The following RBFOX1 variants were observed in gnomAD, a reference collection of about 807,000 sequenced individuals.
RBFOX1 encodes the protein RNA binding fox-1 homolog 1, also known as RNA binding protein fox-1 homolog 1.
In RBFOX1, 8 loss-of-function variants were observed where a neutral mutation model predicts 57.7. The ratio of observed to expected loss-of-function variants is 0.14; its 90% CI spans 0.08 to 0.25. RBFOX1 has a LOEUF of 0.25. Among genes scored for constraint, RBFOX1 ranks in the 10% least tolerant of loss-of-function variants. The pLI is 1.00. For synonymous variants in RBFOX1, 326 were observed against 222.4 expected (o/e 1.47, Z -4.15); for missense variants, 611 against 548.5 (o/e 1.11, Z -1.14).
intron 2 of RBFOX1, among the ~76,000 whole-genome samples, chr16:6,644,444 C>G (rs145593997): frequency 1.4e-4 from 22 of 152,294 alleles, no homozygotes; most frequent in African/African-American, 5.1e-4. Context: ...TCTTCCTCAG[C>G]AGTAATCAAT....
chr16:7,650,573 C>G (rs1031733776), intron 11 of RBFOX1, among the ~76,000 whole-genome samples: 3 of 152,184 alleles, frequency 2.0e-5, no homozygotes, highest in African/African-American at 4.8e-5. Context: ...TCCCCTCTCT[C>G]TCTCTTGCCA....
intron 2 of RBFOX1, among the ~76,000 whole-genome samples, chr16:6,407,375 T>A (rs1295477259): frequency 6.6e-6 from 1 of 152,086 alleles, no homozygotes; most frequent in Non-Finnish European, 1.5e-5. Flanking sequence ...ATCTATATCT[T>A]TACCTATACC....
intron 3 of RBFOX1, among the ~76,000 whole-genome samples, chr16:7,001,072 C>T (rs568681878): frequency 5.3e-5 from 8 of 152,266 alleles, no homozygotes; most frequent in Middle Eastern, 3.4e-3. Context: ...TGATTCTTTG[C>T]TTACCCCAAG....
At chr16:5,596,820 TC>T (rs1327167458) in intron 2 of RBFOX1, among the ~76,000 whole-genome samples, 1 of 152,142 alleles carries the variant, frequency 6.6e-6, no homozygotes, top group African/African-American at 2.4e-5. Context: ...TCCTCCCCCT[TC>T]TCTCCCCATT....
At chr16:5,971,400 A>C (rs187255336) in intron 4 of RBFOX1, among the ~76,000 whole-genome samples, 1 of 152,310 alleles carries the variant, frequency 6.6e-6, no homozygotes, top group East Asian at 1.9e-4. Context: ...GGGTGTGGGG[A>C]CCATAGATCT....
intron 4 of RBFOX1, among the ~76,000 whole-genome samples, chr16:7,381,504 G>A (rs201443169): frequency 7.0e-6 from 1 of 142,404 alleles, no homozygotes; most frequent in African/African-American, 3.0e-5. Flanking sequence ...GTTCCCCCCC[G>A]CCTTTTTTTT....
chr16:6,298,492 T>G (rs776809530), intron 1 of RBFOX1, among the ~76,000 whole-genome samples: 8 of 152,212 alleles, frequency 5.3e-5, no homozygotes, highest in Non-Finnish European at 1.0e-4. Context: ...GTTTTCACAA[T>G]AATCAGAGAG....
intron 4 of RBFOX1, among the ~76,000 whole-genome samples, chr16:7,221,139 T>A (rs1404396104): frequency 6.6e-6 from 1 of 152,152 alleles, no homozygotes; most frequent in African/African-American, 2.4e-5. Flanking sequence ...TGGCTTATAC[T>A]TGAATGTCTC....
chr16:6,581,099 A>C (rs2097531123), intron 2 of RBFOX1, among the ~76,000 whole-genome samples: 1 of 152,008 alleles, frequency 6.6e-6, no homozygotes, highest in Admixed American at 6.6e-5. Flanking sequence ...GTGCCTTTTG[A>C]GTTATCCCCA....
At chr16:7,108,340 C>T (rs1224668513) in intron 4 of RBFOX1, among the ~76,000 whole-genome samples, 1 of 133,690 alleles carries the variant, frequency 7.5e-6, no homozygotes, top group Non-Finnish European at 1.7e-5. Context: ...TATTTCAGTA[C>T]AGCTTGTCCT....
intron 4 of RBFOX1, among the ~76,000 whole-genome samples, chr16:7,199,178 A>T (rs1251243041): frequency 6.6e-6 from 1 of 152,178 alleles, no homozygotes; most frequent in Non-Finnish European, 1.5e-5. Flanking sequence ...TTTTTATGGC[A>T]ATGCATTTTT....
intron 14 of RBFOX1, among the ~76,000 whole-genome samples, chr16:7,703,599 C>T (rs7196635): frequency 0.22 from 32,785 of 152,024 alleles, 3,816 homozygotes; most frequent in Admixed American, 0.29. Flanking sequence ...ATGTTAAAAC[C>T]CTGGTGTGGA....
intron 4 of RBFOX1, among the ~76,000 whole-genome samples, chr16:7,220,189 A>G (rs890988453): frequency 6.6e-6 from 1 of 152,118 alleles, no homozygotes; most frequent in Non-Finnish European, 1.5e-5. Flanking sequence ...GCAGGAGGAA[A>G]ATTCTTGACA....
chr16:5,944,092 A>G (rs1416915977), intron 4 of RBFOX1, among the ~76,000 whole-genome samples: 1 of 152,184 alleles, frequency 6.6e-6, no homozygotes, highest in Non-Finnish European at 1.5e-5. Flanking sequence ...TAGAGCATCA[A>G]TTCCATTCCA....
At chr16:6,172,388 A>G (rs2096967840) in intron 1 of RBFOX1, among the ~76,000 whole-genome samples, 1 of 152,198 alleles carries the variant, frequency 6.6e-6, no homozygotes, top group Non-Finnish European at 1.5e-5. Context: ...CCTCTGCTTC[A>G]TCTCTCGTTT....
intron 3 of RBFOX1, among the ~76,000 whole-genome samples, chr16:6,927,583 C>G (rs936528186): frequency 9.9e-5 from 15 of 151,846 alleles, no homozygotes; most frequent in Admixed American, 4.6e-4. Context: ...ACTGCTGTGT[C>G]CTGTGTGCCT....
intron 3 of RBFOX1, among the ~76,000 whole-genome samples, chr16:6,921,322 C>T (rs981859644): frequency 6.6e-6 from 1 of 152,180 alleles, no homozygotes; most frequent in African/African-American, 2.4e-5. Context: ...TCTCACATGA[C>T]TCCAGTGAAC....
At chr16:7,603,065 A>G (rs1226404395) in intron 9 of RBFOX1, among the ~76,000 whole-genome samples, 33 of 152,234 alleles carry the variant, frequency 2.2e-4, no homozygotes, top group Admixed American at 2.2e-3. Flanking sequence ...TCTATGGGAT[A>G]CAGCAAAAGC....
At chr16:7,406,969 T>C (rs115324993) in intron 4 of RBFOX1, among the ~76,000 whole-genome samples, 1 of 152,170 alleles carries the variant, frequency 6.6e-6, no homozygotes, top group African/African-American at 2.4e-5. Context: ...GCCTCTGCGT[T>C]TGTATGTCCT....
Sources: allele counts gnomAD v4.1 joint callset (sites outside exome capture counted in the v4.1 genomes callset), GRCh38; gene constraint gnomAD v4.1.1; transcripts MANE v1.5; gene names NCBI Gene and HGNC (gene_info 2026-07-23, HGNC 2026-07-21).